The following CSMD1 variants were observed in gnomAD, a reference collection of about 807,000 sequenced individuals.
The protein encoded by CSMD1 is CUB and sushi domain-containing protein 1.
CSMD1 carries 213 observed loss-of-function variants against 417.5 expected under a neutral mutation model. The observed-to-expected ratio is 0.51, with a 90% confidence interval of 0.46 to 0.57. CSMD1 has a LOEUF of 0.57. Among genes scored for constraint, CSMD1 ranks in the 20% least tolerant of loss-of-function variants. CSMD1 has a pLI of 0.00. For missense variants in CSMD1, 6,923 were observed against 4,529.7 expected (o/e 1.53, Z -15.17); for synonymous variants, 2,862 against 1,736.8 (o/e 1.65, Z -16.11).
intron 2 of CSMD1, among the ~76,000 whole-genome samples, chr8:4,492,729 C>G (rs958906943): frequency 6.6e-6 from 1 of 152,106 alleles, no homozygotes; most frequent in African/African-American, 2.4e-5. Context: ...GGAAACTGAC[C>G]ATGGGCACAG....
chr8:3,448,834 T>C (rs964852009), intron 12 of CSMD1, among the ~76,000 whole-genome samples: 1 of 152,198 alleles, frequency 6.6e-6, no homozygotes. Context: ...ACTTCATGGA[T>C]AATTGTCTCC....
At position 4,606,080 on chromosome 8, in the gene CSMD1, G is replaced by C. The variant is rs533852201; in HGVS notation, c.302+31262C>G. The stretch of plus-strand genomic sequence containing the variant: ...GCCTGAGAAGGATGCGGTGGTGGGA[G>C]GCTATATCTCACGTTCAAAATTGAT... On this transcript the variant is annotated intron_variant, in intron 2 of 69. Transcript: ENST00000635120. 3.9e-5 allele frequency among the ~76,000 whole-genome samples: 6 copies of C among 152,252 alleles called. No individual in the cohort carries two copies. The East Asian group carries it at 5.8e-4, about 15-fold the overall frequency.
At chr8:4,387,041 T>C (rs758357711) in intron 3 of CSMD1, among the ~76,000 whole-genome samples, 1 of 152,188 alleles carries the variant, frequency 6.6e-6, no homozygotes, top group African/African-American at 2.4e-5. Flanking sequence ...ACATGGGGGA[T>C]ATCCAGATTA....
chr8:4,074,771 A>G (rs1435552938), intron 3 of CSMD1, among the ~76,000 whole-genome samples: 1 of 152,146 alleles, frequency 6.6e-6, no homozygotes, highest in Non-Finnish European at 1.5e-5. Context: ...CATTGCTTGC[A>G]AAGTAGTTCT....
chr8:4,457,010 AG>A (rs1054999567), intron 2 of CSMD1, among the ~76,000 whole-genome samples: 1 of 151,596 alleles, frequency 6.6e-6, no homozygotes, highest in African/African-American at 2.4e-5. Flanking sequence ...CAACAAGAAA[AG>A]AAAATCAATG....
At chr8:3,873,572 G>A (rs1189143411) in intron 5 of CSMD1, among the ~76,000 whole-genome samples, 1 of 152,060 alleles carries the variant, frequency 6.6e-6, no homozygotes, top group East Asian at 1.9e-4. Flanking sequence ...GGTGGGAGGA[G>A]GGAGAGCATC....
At chr8:4,131,379 T>A (rs1353491618) in intron 3 of CSMD1, among the ~76,000 whole-genome samples, 1 of 152,140 alleles carries the variant, frequency 6.6e-6, no homozygotes, top group Non-Finnish European at 1.5e-5. Flanking sequence ...AATATTCTAA[T>A]CACATCCCTT....
At chr8:4,630,068 C>A (rs908910919) in intron 2 of CSMD1, among the ~76,000 whole-genome samples, 1 of 152,080 alleles carries the variant, frequency 6.6e-6, no homozygotes, top group Non-Finnish European at 1.5e-5. Context: ...TGGAAGTGAA[C>A]CATCCGTTTT....
intron 1 of CSMD1, among the ~76,000 whole-genome samples, chr8:4,679,852 A>G (rs1271750201): frequency 6.6e-6 from 1 of 152,116 alleles, no homozygotes; most frequent in Non-Finnish European, 1.5e-5. Context: ...TAAATATGTA[A>G]AATATATACA....
In CSMD1 at chr8:3,724,168, T is replaced by C. The variant is rs187178394; in HGVS notation, c.932-15677A>G. The stretch of plus-strand genomic sequence containing the variant: ...CAGACGTTAAAAAGTTTTGCAAAAA[T>C]AGAAAACAATGCTACCTCTTTTACT... On this transcript the variant is annotated intron_variant, in intron 6 of 69. Coordinates refer to ENST00000635120, the MANE Select transcript of CSMD1 (RefSeq NM_033225.6). 4.8e-3 allele frequency among the ~76,000 whole-genome samples: 706 copies of C among 146,478 alleles called. 42 individuals are homozygous for C. The highest frequency in any genetic ancestry group is 0.016 in the African/African-American group (636 of 40,170).
chr8:4,569,331 C>T (rs201081658), intron 2 of CSMD1, among the ~76,000 whole-genome samples: 9 of 152,120 alleles, frequency 5.9e-5, no homozygotes, highest in East Asian at 5.8e-4. Context: ...TAAGGTGTAA[C>T]GAAGTGATCC....
At chr8:4,986,283 T>C (rs2117454759) in intron 1 of CSMD1, among the ~76,000 whole-genome samples, 1 of 152,302 alleles carries the variant, frequency 6.6e-6, no homozygotes, top group East Asian at 1.9e-4. Context: ...GGAGGTGTAA[T>C]TTTATAGAAA....
chr8:3,106,827 T>G lies in CSMD1; in HGVS notation c.6836-186A>C, dbSNP rs932901825. The G allele has an allele frequency of 2.3e-5, 11 of 482,462 alleles. No homozygotes were observed. In the East Asian group the frequency reaches 3.2e-4, roughly 14 times the overall value. 29.9% of individuals were successfully genotyped at this position (482,462 alleles called of 1,614,324 possible). A position where few individuals can be genotyped will look rare whatever the true frequency, so the allele number is the denominator to read the frequency against. On this transcript the variant is annotated intron_variant, in intron 45 of 69. Transcript: ENST00000635120. ...TTAAGTTCTTAATTTATAAAAATGC[T>G]CTATTAAGCTTAGCCGATATTAGTA...
chr8:3,056,932 C>T (rs1005869974), intron 49 of CSMD1, among the ~76,000 whole-genome samples: 1 of 151,856 alleles, frequency 6.6e-6, no homozygotes, highest in Non-Finnish European at 1.5e-5. Context: ...ATAGGTTGTA[C>T]TATACAATAT....
chr8:4,458,794 A>T (rs867085220), intron 2 of CSMD1, among the ~76,000 whole-genome samples: 179 of 152,184 alleles, frequency 1.2e-3, no homozygotes, highest in African/African-American at 4.2e-3. Flanking sequence ...GGAATATTTA[A>T]TTTTTTTTAA....
intron 21 of CSMD1, among the ~76,000 whole-genome samples, chr8:3,349,909 T>C (rs1290888758): frequency 6.9e-6 from 1 of 144,170 alleles, no homozygotes; most frequent in African/African-American, 2.5e-5. Context: ...TATATTTATA[T>C]ATATTTATAT....
chr8:2,958,608 G>A (rs554471833), intron 62 of CSMD1, among the ~76,000 whole-genome samples: 27 of 152,336 alleles, frequency 1.8e-4, no homozygotes, highest in South Asian at 1.0e-3. Context: ...CCATGGTTCT[G>A]TGTATCTGCA....
intron 5 of CSMD1, among the ~76,000 whole-genome samples, chr8:3,881,488 T>A (rs1179173708): frequency 6.6e-6 from 1 of 150,730 alleles, no homozygotes; most frequent in African/African-American, 2.4e-5. Flanking sequence ...TACAAAAAAA[T>A]TAGCTGGGCG....
rs535967244 is a variant in CSMD1 at position 4,455,358 on chromosome 8, G to C, written c.303-35293C>G. ...TAACAAGCAAACTAAGTGACACCCAGAAGCTGGAAAACTGGTCATCAACTC... is the reference window on the plus strand; with the variant it reads ...TAACAAGCAAACTAAGTGACACCCACAAGCTGGAAAACTGGTCATCAACTC... On this transcript the variant is annotated intron_variant, in intron 2 of 69. Transcript: ENST00000635120. Among the ~76,000 whole-genome samples the C allele has an allele frequency of 4.6e-5, 7 of 152,254 alleles. No individual in the cohort carries two copies. In the East Asian group the frequency reaches 1.2e-3, roughly 25 times the overall value.
Sources: gnomAD v4.1 joint callset for allele counts (sites outside exome capture counted in the v4.1 genomes callset) on GRCh38, gnomAD v4.1.1 for gene constraint, MANE v1.5 for transcripts, NCBI Gene and HGNC (gene_info 2026-07-23, HGNC 2026-07-21) for gene names.